Variants in ARHGEF1 observed in about 807,000 individuals in gnomAD.
ARHGEF1 encodes the protein 115 kDa guanine nucleotide exchange factor.
In ARHGEF1, 40 loss-of-function variants were observed where a neutral mutation model predicts 119.7. That is an observed-to-expected ratio of 0.33 (90% CI 0.26 to 0.44). ARHGEF1 has a LOEUF of 0.44. Ranked by LOEUF, ARHGEF1 falls within the 20% of genes least tolerant of loss-of-function variation. The pLI is 1.00. For synonymous variants in ARHGEF1, 494 were observed against 521.0 expected (o/e 0.95, Z 0.71); for missense variants, 976 against 1,268.3 (o/e 0.77, Z 3.50).
chr19:41,893,107 G>C, intron 7 of ARHGEF1, 167 bp from the exon 8 acceptor site: 1 of 1,051,126 alleles, frequency 9.5e-7, no homozygotes, highest in East Asian at 2.7e-5. Flanking sequence ...CTGGATGAGA[G>C]ACCTCCCTCC....
In ARHGEF1 at chr19:41,888,617, G is replaced by A; in HGVS notation, c.112-135G>A. 1.3e-6 allele frequency: 1 copy of A among 744,920 alleles called. No individual in the cohort carries two copies. Among genetic ancestry groups the A allele is most frequent in the Non-Finnish European group, 2.2e-6 (1 of 446,386 alleles). The allele number at this position is 744,920 out of a possible 1,614,324, so 46.1% of individuals were successfully genotyped here. On this transcript the variant is annotated intron_variant, in intron 3 of 28. Coordinates refer to ENST00000354532, the MANE Select transcript of ARHGEF1 (RefSeq NM_004706.4). The surrounding 1 kb of genome is among the most constrained non-coding windows in gnomAD (Gnocchi z 5.1). The stretch of plus-strand genomic sequence containing the variant: ...CCCTTGCTGTCACCATCATTTTTTG[G>A]ACACTGTCACCACTCCCCACTTCCC...
At chr19:41,897,268 A>C in intron 13 of ARHGEF1, 1 of 1,280,842 alleles carries the variant, frequency 7.8e-7, no homozygotes, top group Non-Finnish European at 1.0e-6. Context: ...GAGGTGGGTC[A>C]GGTTCCATCT....
intron 14 of ARHGEF1, chr19:41,900,822 GCTCTGTCGC>G (rs2074591965): frequency 2.4e-5 from 3 of 126,376 alleles, no homozygotes; most frequent in African/African-American, 9.5e-5. Flanking sequence ...AGACGATCTC[GCTCTGTCGC>G]CTAGGCTAGA....
chr19:41,885,592 G>A (rs972089486), intron 1 of ARHGEF1, among the ~76,000 whole-genome samples: 2 of 152,112 alleles, frequency 1.3e-5, no homozygotes, highest in African/African-American at 4.8e-5. Flanking sequence ...CTCCCGAGTA[G>A]CTGGGACTAC....
intron 13 of ARHGEF1, chr19:41,896,726 T>C: frequency 1.5e-6 from 1 of 660,114 alleles, no homozygotes; most frequent in Non-Finnish European, 2.8e-6. Context: ...CTCTCCTTCC[T>C]TTTTTCACTA....
At position 41,892,012 on chromosome 19, in the gene ARHGEF1, G is replaced by A. The variant is rs782335298; in HGVS notation, c.226-13G>A. The A allele has an allele frequency of 7.5e-6, 12 of 1,594,672 alleles. No individual in the cohort carries two copies. The African/African-American group carries it at 1.5e-4, about 20-fold the overall frequency. On this transcript the variant is annotated splice_polypyrimidine_tract_variant and intron_variant, in intron 4 of 28. Transcript: ENST00000354532. The surrounding 1 kb of genome is among the most constrained non-coding windows in gnomAD (Gnocchi z 6.3). ...GTGAGGGAGCGGAGAGTCATGCTGT[G>A]TGTCTCCCCCAGCTTTGCTGTCTGC...
chr19:41,903,516 C>A lies in ARHGEF1; in HGVS notation c.1839+109C>A. The A allele has an allele frequency of 1.8e-6, 2 of 1,111,154 alleles. No individual in the cohort carries two copies. The highest frequency in any genetic ancestry group is 1.2e-6 in the Non-Finnish European group (1 of 809,078). 68.8% of individuals were successfully genotyped at this position (1,111,154 alleles called of 1,614,324 possible). On this transcript the variant is annotated intron_variant, in intron 19 of 28. Transcript: ENST00000354532. This position sits in a 1 kb window ranked among gnomAD's most constrained non-coding sequence, Gnocchi z 4.2. ...ACACCCCACCCCTTGGCTTGTCTCC[C>A]TCAAGGGTCACTGTGTCCAGGGGTT...
At chr19:41,924,892 G>A (rs2074862555) in intron 1 of ARHGEF1, among the ~76,000 whole-genome samples, 1 of 152,144 alleles carries the variant, frequency 6.6e-6, no homozygotes, top group Non-Finnish European at 1.5e-5. Context: ...CTTCCTAAAG[G>A]TGTGGTGGTG....
chr19:41,908,376 C>T (rs2074730833), downstream of ARHGEF1: 2 of 1,231,242 alleles, frequency 1.6e-6, no homozygotes, highest in East Asian at 3.2e-5. The surrounding 1 kb of genome is among the most constrained non-coding windows in gnomAD (Gnocchi z 6.7). Flanking sequence ...AGCCTCTGGA[C>T]CCCCAGCCCC....
At chr19:41,912,651 C>G (rs981858247) in intron 18 of ARHGEF1, among the ~76,000 whole-genome samples, 3 of 152,226 alleles carry the variant, frequency 2.0e-5, no homozygotes, top group Non-Finnish European at 4.4e-5. Context: ...CCCCCCAGCA[C>G]GCAGGGGGCA....
chr19:41,908,288 G>T (rs959789383), downstream of ARHGEF1: 43 of 1,231,528 alleles, frequency 3.5e-5, no homozygotes, highest in African/African-American at 4.8e-4. This position sits in a 1 kb window ranked among gnomAD's most constrained non-coding sequence, Gnocchi z 6.7. Flanking sequence ...GACCCTCATC[G>T]CCCTCGCTGT....
chr19:41,914,518 A>G (rs889042505), intron 18 of ARHGEF1, among the ~76,000 whole-genome samples: 5 of 144,228 alleles, frequency 3.5e-5, no homozygotes, highest in Admixed American at 1.4e-4. Context: ...TCTCCCTATG[A>G]CTTTCTCCCC....
Position 41,905,007 on chromosome 19 carries a change from G to A in ARHGEF1, c.2220G>A (p.Leu740=), listed in dbSNP as rs1555849820. 6.2e-7 allele frequency: 1 copy of A among 1,614,202 alleles called. No individual in the cohort carries two copies. Among genetic ancestry groups the A allele is most frequent in the Non-Finnish European group, 8.5e-7 (1 of 1,180,012 alleles). The change falls in exon 23 of 29, where the codon CTG becomes CTA. Residue 740 remains leucine (L), a synonymous_variant. Transcript: ENST00000354532. This position sits in a 1 kb window ranked among gnomAD's most constrained non-coding sequence, Gnocchi z 6.4. The part of the protein sequence containing the change: ...TWDQEAQIYE[L]VAQTVSERKN... ...ACCAGGAGGCCCAGATATACGAGCT[G>A]GTGGCACAGACTGTGTCGGAGCGGA... is the stretch of plus-strand genomic sequence containing the variant.
At position 41,916,520 on chromosome 19, in the gene ARHGEF1, A is replaced by G. The variant is rs1322078096; in HGVS notation, c.1866-6572A>G. 6.6e-6 allele frequency among the ~76,000 whole-genome samples: 1 copy of G among 152,172 alleles called. No homozygotes were observed. The highest frequency in any genetic ancestry group is 1.5e-5 in the Non-Finnish European group (1 of 68,028). On this transcript the variant is annotated intron_variant, in intron 18 of 20. Transcript: ENST00000599589. This position sits in a 1 kb window ranked among gnomAD's most constrained non-coding sequence, Gnocchi z 5.4. ...TCAATTCAATCTCACACAGAAACAAAGACACAAAATCACAAATCCTAGACA... is the reference window on the plus strand; with the variant it reads ...TCAATTCAATCTCACACAGAAACAAGGACACAAAATCACAAATCCTAGACA...
downstream of ARHGEF1, chr19:41,908,320 C>T (rs2145878572): frequency 1.6e-6 from 2 of 1,231,478 alleles, no homozygotes; most frequent in Middle Eastern, 3.1e-4. The surrounding 1 kb of genome is among the most constrained non-coding windows in gnomAD (Gnocchi z 6.7). Context: ...CCGCTGACGT[C>T]GGTGATCTCC....
Position 41,902,003 on chromosome 19 carries a change from C to T in ARHGEF1, c.1384C>T (p.Pro462Ser). ...CTTGGAGGAGCTGCAGAACATCTTC[C>T]CCAGCCTGGACGAGCTCATCGAGGT... ...FPLEELQNIF[P>S]SLDELIEVHS... is the part of the protein sequence containing the mutation. The change falls in exon 15 of 29, where the codon CCC (proline) becomes TCC (serine). Residue 462 changes from proline to serine, a missense_variant. Pro to Ser is a moderately conservative substitution (Grantham distance 74). Coordinates refer to ENST00000354532, the MANE Select transcript of ARHGEF1 (RefSeq NM_004706.4). The surrounding 1 kb of genome is among the most constrained non-coding windows in gnomAD (Gnocchi z 6.5). 6.2e-7 allele frequency: 1 copy of T among 1,614,172 alleles called. No individual in the cohort carries two copies.
chr19:41,892,050 T>G lies in ARHGEF1; in HGVS notation c.251T>G (p.Leu84Arg). The change falls in exon 5 of 29, where the codon CTG (leucine) becomes CGG (arginine). Residue 84 changes from leucine to arginine, a missense_variant. This residue lies in a region of ARHGEF1 where 519 missense variants were observed against 580.9 expected (regional missense o/e 0.89). Transcript: ENST00000354532. The surrounding 1 kb of genome is among the most constrained non-coding windows in gnomAD (Gnocchi z 6.3). ...CTTTGCTGTCTGCATGCCGACATGCTGGGCTCACTGGGCCCCAAGGAGGCC... is the reference window on the plus strand; with the variant it reads ...CTTTGCTGTCTGCATGCCGACATGCGGGGCTCACTGGGCCCCAAGGAGGCC... ...PLLCCLHADM[L>R]GSLGPKEAKK... The G allele has an allele frequency of 6.2e-7, 1 of 1,611,960 alleles. No individual in the cohort carries two copies. Among genetic ancestry groups the G allele is most frequent in the Non-Finnish European group, 8.5e-7 (1 of 1,178,528 alleles).
In ARHGEF1 at chr19:41,892,689, C is replaced by T. The variant is rs1555846515; in HGVS notation, c.454C>T (p.Arg152Trp). 3.7e-6 allele frequency: 6 copies of T among 1,613,698 alleles called. No homozygotes were observed. Among genetic ancestry groups the T allele is most frequent in the South Asian group, 1.1e-5 (1 of 91,010 alleles). The part of the protein sequence containing the change: ...VVQSQQVAVG[R>W]QLEDFRSKRL... ...GCAAAGCCAGCAGGTAGCCGTGGGC[C>T]GGCAGCTGGAGGACTTCCGTTCCAA... Residue 152 changes from arginine to tryptophan, a missense_variant, in exon 7 of 29, where the codon CGG becomes TGG. Physicochemically the swap from Arg to Trp is moderately radical, Grantham distance 101. Around this residue, in one of 3 missense-constraint regions of ARHGEF1, gnomAD observed 519 missense variants for 580.9 expected, o/e 0.89. Transcript: ENST00000354532. This position sits in a 1 kb window ranked among gnomAD's most constrained non-coding sequence, Gnocchi z 6.3.
chr19:41,903,274 G>C lies in ARHGEF1; in HGVS notation c.1739-33G>C, dbSNP rs1250444859. On this transcript the variant is annotated intron_variant, in intron 18 of 28. Transcript: ENST00000354532. This position sits in a 1 kb window ranked among gnomAD's most constrained non-coding sequence, Gnocchi z 4.2. ...CCAATCTGGAGCCTCCAGGGCAGGGGTTCACCAGAGCTGCTCTCTCCCTTG... is the reference window on the plus strand; with the variant it reads ...CCAATCTGGAGCCTCCAGGGCAGGGCTTCACCAGAGCTGCTCTCTCCCTTG... 1.2e-6 allele frequency: 2 copies of C among 1,602,576 alleles called. No homozygotes were observed. The highest frequency in any genetic ancestry group is 8.5e-7 in the Non-Finnish European group (1 of 1,170,130).
Sources: allele counts gnomAD v4.1 joint callset (sites outside exome capture counted in the v4.1 genomes callset), GRCh38; gene constraint gnomAD v4.1.1; regional missense constraint gnomAD v4.1.1; non-coding constraint Gnocchi (gnomAD v3.1); transcripts MANE v1.5; gene names NCBI Gene and HGNC (gene_info 2026-07-23, HGNC 2026-07-21).